OTUD5: variants seen among roughly 807,000 people sequenced by gnomAD.
The protein encoded by OTUD5 is OTU deubiquitinase 5.
A neutral mutation model predicts 36.3 loss-of-function variants in OTUD5; 2 were observed. The observed-to-expected ratio is 0.06, with a 90% CI of 0.02 to 0.17. The LOEUF (loss-of-function observed/expected upper bound fraction) is 0.17, where lower values mean the gene tolerates loss of function less well. OTUD5 is among the 10% of genes least tolerant of loss of function. The probability of loss-of-function intolerance (pLI) is 1.00; values close to 1 mark genes in which losing one functional copy is unlikely to be tolerated. For synonymous variants in OTUD5, 234 were observed against 214.9 expected (o/e 1.09, Z -0.78); for missense variants, 233 against 512.3 (o/e 0.45, Z 5.26).
chrX:48,955,657 GTCGTC>G (rs1264855255), intron 1 of OTUD5, among the ~76,000 whole-genome samples: 1 of 111,221 alleles, frequency 9.0e-6, no homozygotes, highest in African/African-American at 3.3e-5. Context: ...CCCCTGAGTA[GTCGTC>G]TCAGGCTCAA....
At chrX:48,951,686 G>A (rs1296392189) in intron 1 of OTUD5, among the ~76,000 whole-genome samples, 3 of 111,455 alleles carry the variant, frequency 2.7e-5, no homozygotes, top group African/African-American at 9.8e-5. Flanking sequence ...ACCAACACAA[G>A]CCCTCCAGGG....
In OTUD5 at chrX:48,925,967, T is replaced by C. The variant is rs2063660112; in HGVS notation, c.1143A>G (p.Lys381=). ...WIEQQMLEDK[K]RATDWEATNE... ...TTGTGGCCTCCCAGTCTGTGGCCCGTTTCTTGTCTTCTAGCATCTGCTGTT... is the reference window on the plus strand; with the variant it reads ...TTGTGGCCTCCCAGTCTGTGGCCCGCTTCTTGTCTTCTAGCATCTGCTGTT... Residue 381 remains lysine (K), a synonymous_variant, in exon 6 of 9, where the codon AAA becomes AAG. Coordinates refer to ENST00000376488, the MANE Select transcript of OTUD5 (RefSeq NM_001136157.2). 2 of 1,209,478 alleles carry C rather than the reference T, an allele frequency of 1.7e-6. No homozygotes were observed. The highest frequency in any genetic ancestry group is 2.2e-6 in the Non-Finnish European group (2 of 893,523).
upstream of OTUD5, chrX:48,958,298 C>T (rs1463565270): frequency 3.5e-5 from 4 of 113,062 alleles, no homozygotes; most frequent in Non-Finnish European, 5.6e-5. Flanking sequence ...AAACACCTCC[C>T]CTCCAGGATT....
intron 1 of OTUD5, 113 bp from the exon 2 acceptor site, chrX:48,944,396 G>A (rs2063986798): frequency 2.0e-6 from 1 of 498,331 alleles, no homozygotes; most frequent in Admixed American, 2.9e-5. Context: ...CGCTGGCCAA[G>A]GTAAAGTTCT....
rs782179019 is a variant in OTUD5 at position 48,956,880 on chromosome X, T to A, written c.594+97A>T. ...GTCAGGCCCAGTGAAAACGCCTAGA[T>A]CCCTTGGGGCGATCTCAAACAGCCT... On this transcript the variant is annotated intron_variant, in intron 1 of 8. Coordinates refer to ENST00000376488, the MANE Select transcript of OTUD5 (RefSeq NM_001136157.2). 3.8e-5 allele frequency: 35 copies of A among 921,132 alleles called. No individual in the cohort carries two copies. In the African/African-American group the frequency reaches 6.9e-4, roughly 18 times the overall value. The allele number at this position is 921,132 out of a possible 1,213,427, so 75.9% of individuals were successfully genotyped here.
intron 1 of OTUD5, among the ~76,000 whole-genome samples, chrX:48,946,075 T>C (rs1300618322): frequency 5.4e-5 from 6 of 110,860 alleles, no homozygotes; most frequent in South Asian, 3.8e-4. Flanking sequence ...AGACCAGACA[T>C]AGGGGCCCAC....
At chrX:48,929,221 T>C (rs2063713327) in intron 5 of OTUD5, among the ~76,000 whole-genome samples, 1 of 106,473 alleles carries the variant, frequency 9.4e-6, no homozygotes, top group Non-Finnish European at 1.9e-5. Context: ...AACCTGTCTC[T>C]ACTAAAAATC....
chrX:48,956,366 C>T lies in OTUD5; in HGVS notation c.594+611G>A, dbSNP rs2064239866. Among the ~76,000 whole-genome samples, 4 of 110,860 alleles carry T rather than the reference C, an allele frequency of 3.6e-5. No homozygotes were observed. The South Asian group carries it at 1.1e-3, about 32-fold the overall frequency. On this transcript the variant is annotated intron_variant, in intron 1 of 8. Coordinates refer to ENST00000376488, the MANE Select transcript of OTUD5 (RefSeq NM_001136157.2). Reference sequence around the variant, plus strand: ...TGATTCTAGAAGCAGGACTCTCAGGCCCCTGAAGACAGACTTAGGACCCTT... The same window carrying T: ...TGATTCTAGAAGCAGGACTCTCAGGTCCCTGAAGACAGACTTAGGACCCTT...
At chrX:48,948,430 C>G (rs907562931) in intron 1 of OTUD5, among the ~76,000 whole-genome samples, 11 of 112,423 alleles carry the variant, frequency 9.8e-5, no homozygotes, top group African/African-American at 2.9e-4. Flanking sequence ...TGGATACCAG[C>G]AAAGCCTAGT....
At chrX:48,941,432 C>CAAAAAAAAAAAAA (rs200040194) in intron 2 of OTUD5, among the ~76,000 whole-genome samples, 1 of 31,928 alleles carries the variant, frequency 3.1e-5, no homozygotes, top group African/African-American at 1.4e-4. Flanking sequence ...GACTCCATCT[C>CAAAAAAAAAAAAA]AAAAAAAAAA....
chrX:48,922,688 G>GA lies in OTUD5; in HGVS notation c.*485dup. 1.3e-6 allele frequency: 1 copy of GA among 756,030 alleles called. No individual in the cohort carries two copies. The highest frequency in any genetic ancestry group is 2.3e-5 in the African/African-American group (1 of 43,921). The allele number at this position is 756,030 out of a possible 1,213,427, so 62.3% of individuals were successfully genotyped here. A position where few individuals can be genotyped will look rare whatever the true frequency, so the allele number is the denominator to read the frequency against. On this transcript the variant is annotated 3_prime_UTR_variant, in exon 9 of 9. Transcript: ENST00000376488. ...GAAAAAATTCAACATTGAAGGCTCA[G>GA]ACGTTCTTGGGGGTACTGGGAAGGG...
At position 48,922,929 on chromosome X, in the gene OTUD5, G is replaced by A; in HGVS notation, c.*245C>T. 9.7e-7 allele frequency: 1 copy of A among 1,027,183 alleles called. No homozygotes were observed. Among genetic ancestry groups the A allele is most frequent in the Non-Finnish European group, 1.2e-6 (1 of 803,787 alleles). The allele number at this position is 1,027,183 out of a possible 1,213,427, so 84.7% of individuals were successfully genotyped here. On this transcript the variant is annotated 3_prime_UTR_variant, in exon 9 of 9. Transcript: ENST00000376488. ...GAGTCCCCTGTGGAATGCAGGGATGGTTCTGTGCGGGATGGGGTGGGGGGC... is the reference window on the plus strand; with the variant it reads ...GAGTCCCCTGTGGAATGCAGGGATGATTCTGTGCGGGATGGGGTGGGGGGC...
chrX:48,937,212 C>A (rs924532591), intron 2 of OTUD5, among the ~76,000 whole-genome samples: 1 of 111,900 alleles, frequency 8.9e-6, no homozygotes, highest in African/African-American at 3.3e-5. Flanking sequence ...ACATGTCCTG[C>A]GCACAGGCTG....
Position 48,957,391 on chromosome X carries a change from A to G in OTUD5, c.180T>C (p.Arg60=). 1 of 1,100,049 alleles carries G rather than the reference A, an allele frequency of 9.1e-7. No homozygotes were observed. The highest frequency in any genetic ancestry group is 1.2e-6 in the Non-Finnish European group (1 of 847,907). 90.7% of individuals were successfully genotyped at this position (1,100,049 alleles called of 1,213,427 possible). Residue 60 remains arginine, a synonymous_variant, in exon 1 of 9, where the codon CGT becomes CGC. Coordinates refer to ENST00000376488, the MANE Select transcript of OTUD5 (RefSeq NM_001136157.2). Reference sequence around the variant, plus strand: ...CTTGAGGCGGTGGCGAAGCTCGCGGACGGGCCCCCACGACGCCGGAGTCAC... The same window carrying G: ...CTTGAGGCGGTGGCGAAGCTCGCGGGCGGGCCCCCACGACGCCGGAGTCAC... The part of the protein sequence containing the change: ...RDRDSGVVGA[R]PRASPPPQGP...
intron 2 of OTUD5, among the ~76,000 whole-genome samples, chrX:48,939,736 C>T (rs991995808): frequency 1.8e-5 from 2 of 112,070 alleles, no homozygotes; most frequent in African/African-American, 3.2e-5. Context: ...CTCTGTTGCC[C>T]GGGGGAAGTC....
chrX:48,923,426 G>T (rs1343107943), intron 8 of OTUD5, 131 bp from the exon 9 acceptor site: 11 of 591,662 alleles, frequency 1.9e-5, no homozygotes, highest in Non-Finnish European at 3.0e-5. Context: ...AAAACAGAAG[G>T]ATCTGCTAGG....
At chrX:48,956,270 A>G (rs2064236855) in intron 1 of OTUD5, among the ~76,000 whole-genome samples, 1 of 108,209 alleles carries the variant, frequency 9.2e-6, no homozygotes, top group Non-Finnish European at 1.9e-5. Flanking sequence ...AAAGTCTTAC[A>G]TCCCTGGAAA....
intron 1 of OTUD5, among the ~76,000 whole-genome samples, chrX:48,953,889 T>C (rs1557054464): frequency 9.0e-6 from 1 of 110,787 alleles, no homozygotes; most frequent in Non-Finnish European, 1.9e-5. Flanking sequence ...GACGCCTCTC[T>C]TCCCAAGGGA....
intron 2 of OTUD5, chrX:48,940,568 C>T (rs1057091527): frequency 4.5e-5 from 5 of 112,127 alleles, no homozygotes; most frequent in Non-Finnish European, 9.4e-5. Flanking sequence ...CCTTGCCACT[C>T]CCCCATGGCC....
Sources: gnomAD v4.1 joint callset for allele counts (sites outside exome capture counted in the v4.1 genomes callset) on GRCh38, gnomAD v4.1.1 for gene constraint, MANE v1.5 for transcripts, NCBI Gene and HGNC (gene_info 2026-07-23, HGNC 2026-07-21) for gene names.